The following CYTH1 variants were observed in gnomAD, a reference collection of about 807,000 sequenced individuals.
CYTH1 encodes cytohesin 1.
In CYTH1, 18 loss-of-function variants were observed where a neutral mutation model predicts 61.8. The observed-to-expected ratio is 0.29, with a 90% CI of 0.20 to 0.43. The LOEUF (loss-of-function observed/expected upper bound fraction) is 0.43, where lower values mean the gene tolerates loss of function less well. CYTH1 is among the 20% of genes least tolerant of loss of function. CYTH1 has a pLI of 1.00. For missense variants in CYTH1, 336 were observed against 510.5 expected (o/e 0.66, Z 3.29); for synonymous variants, 174 against 184.3 (o/e 0.94, Z 0.45).
At chr17:78,721,470 C>T (rs1356789444) in intron 1 of CYTH1, among the ~76,000 whole-genome samples, 1 of 152,226 alleles carries the variant, frequency 6.6e-6, no homozygotes, top group Non-Finnish European at 1.5e-5. Context: ...TTAGACTATT[C>T]TAATTTAAAT....
chr17:78,777,022 G>A (rs966212870), intron 1 of CYTH1, among the ~76,000 whole-genome samples: 1 of 152,156 alleles, frequency 6.6e-6, no homozygotes, highest in Admixed American at 6.5e-5. Context: ...CTACTTGGGA[G>A]GCTGAGGCAG....
At chr17:78,694,318 A>G (rs148152899) in intron 10 of CYTH1, among the ~76,000 whole-genome samples, 2 of 152,338 alleles carry the variant, frequency 1.3e-5, no homozygotes, top group African/African-American at 4.8e-5. Flanking sequence ...CCACCTGCCC[A>G]TCCTGTGCTA....
At chr17:78,744,129 T>C (rs2093351336) in intron 1 of CYTH1, among the ~76,000 whole-genome samples, 1 of 152,174 alleles carries the variant, frequency 6.6e-6, no homozygotes, top group Admixed American at 6.5e-5. Flanking sequence ...TTAAAATAAA[T>C]ATAGATTTTC....
chr17:78,760,355 T>TTATATATATATACATA (rs2093416946), intron 1 of CYTH1, among the ~76,000 whole-genome samples: 1 of 52,272 alleles, frequency 1.9e-5, no homozygotes, highest in African/African-American at 7.2e-5. Context: ...AATAGCAGGT[T>TTATATATATATACATA]TATATATATA....
At chr17:78,723,652 GGA>G in intron 1 of CYTH1, 1 of 152,698 alleles carries the variant, frequency 6.5e-6, no homozygotes, top group Non-Finnish European at 1.5e-5. Context: ...CTCCCGGGGG[GGA>G]GGGGAGGCAC....
chr17:78,758,042 T>A, intron 1 of CYTH1, among the ~76,000 whole-genome samples: 1 of 152,184 alleles, frequency 6.6e-6, no homozygotes, highest in East Asian at 1.9e-4. Flanking sequence ...CATTTGGCAG[T>A]ACATATCAAG....
chr17:78,749,047 T>C (rs1452884419), intron 1 of CYTH1, among the ~76,000 whole-genome samples: 1 of 152,074 alleles, frequency 6.6e-6, no homozygotes, highest in African/African-American at 2.4e-5. Flanking sequence ...AGAGCAAAGG[T>C]GGCAGCAGTA....
intron 1 of CYTH1, among the ~76,000 whole-genome samples, chr17:78,745,719 C>T (rs2093357136): frequency 1.3e-5 from 2 of 152,054 alleles, no homozygotes; most frequent in African/African-American, 4.8e-5. Flanking sequence ...TGGTGAAACC[C>T]CGTCTCTACT....
Position 78,770,691 on chromosome 17 carries a change from C to T in CYTH1, c.22+11511G>A, listed in dbSNP as rs117212753. ...CTCGGCCTGGGATTACAGGTGTGAGCCACAGAGCCCGACTGAAAATAGGTT... is the reference window on the plus strand; with the variant it reads ...CTCGGCCTGGGATTACAGGTGTGAGTCACAGAGCCCGACTGAAAATAGGTT... On this transcript the variant is annotated intron_variant, in intron 1 of 13. Transcript: ENST00000446868. 1.3e-3 allele frequency among the ~76,000 whole-genome samples: 192 copies of T among 152,248 alleles called. 2 individuals are homozygous for T. In the East Asian group the frequency reaches 0.035, roughly 28 times the overall value.
chr17:78,778,049 T>C (rs2093500061), intron 1 of CYTH1, among the ~76,000 whole-genome samples: 2 of 152,030 alleles, frequency 1.3e-5, no homozygotes, highest in Admixed American at 1.3e-4. Context: ...AGGCCTGTAA[T>C]CCTAGCACTT....
chr17:78,760,447 A>G lies in CYTH1; in HGVS notation c.22+21755T>C, dbSNP rs577130653. 1.9e-4 allele frequency among the ~76,000 whole-genome samples: 12 copies of G among 63,994 alleles called. 1 individual carries two copies. Among genetic ancestry groups the G allele is most frequent in the African/African-American group, 6.6e-4 (10 of 15,082 alleles). 42.0% of individuals were successfully genotyped at this position (63,994 alleles called of 152,430 possible). ...TATACACATACATATATATATGTAT[A>G]TATATATACATACATATATATATGT... On this transcript the variant is annotated intron_variant, in intron 1 of 13. Transcript: ENST00000446868.
intron 1 of CYTH1, among the ~76,000 whole-genome samples, chr17:78,718,218 T>TACACACACACACACACACACAC (rs55803104): frequency 7.8e-5 from 10 of 128,394 alleles, no homozygotes; most frequent in African/African-American, 2.5e-4. Flanking sequence ...AAACACTGAA[T>TACACACACACACACACACACAC]ACACACACAC....
intron 1 of CYTH1, among the ~76,000 whole-genome samples, chr17:78,748,170 G>A (rs1484738838): frequency 6.6e-6 from 1 of 152,110 alleles, no homozygotes; most frequent in Non-Finnish European, 1.5e-5. Flanking sequence ...AACTAAAGAT[G>A]CTGACCCACA....
At chr17:78,726,042 C>CT (rs1159169142) in intron 1 of CYTH1, among the ~76,000 whole-genome samples, 6,207 of 130,720 alleles carry the variant, frequency 0.047, 418 homozygotes, top group African/African-American at 0.12. Flanking sequence ...ATTCAACAGT[C>CT]TTTTTTTTTT....
chr17:78,687,557 T>A (rs1230030606), intron 11 of CYTH1, among the ~76,000 whole-genome samples: 1 of 152,182 alleles, frequency 6.6e-6, no homozygotes. Context: ...CAGGTTCTTT[T>A]GTGGTTGGGA....
intron 1 of CYTH1, among the ~76,000 whole-genome samples, chr17:78,741,718 G>T (rs1480636498): frequency 2.0e-5 from 3 of 152,210 alleles, no homozygotes; most frequent in Non-Finnish European, 4.4e-5. Context: ...GCAAGCCTCA[G>T]TTACCAGCAG....
intron 1 of CYTH1, among the ~76,000 whole-genome samples, chr17:78,758,842 G>A (rs2093411870): frequency 6.6e-6 from 1 of 152,158 alleles, no homozygotes; most frequent in Admixed American, 6.5e-5. Context: ...CACCCCACGA[G>A]ACTTGAGGTC....
At chr17:78,753,214 C>G (rs1302992349) in intron 1 of CYTH1, among the ~76,000 whole-genome samples, 1 of 152,100 alleles carries the variant, frequency 6.6e-6, no homozygotes, top group Non-Finnish European at 1.5e-5. Flanking sequence ...AATCCTAGCA[C>G]GTTGGGAGGC....
chr17:78,764,598 A>G (rs746458599), intron 1 of CYTH1, among the ~76,000 whole-genome samples: 3 of 152,214 alleles, frequency 2.0e-5, no homozygotes, highest in Non-Finnish European at 2.9e-5. Flanking sequence ...AACCAGGCTT[A>G]TATATAAACC....
Sources: allele counts gnomAD v4.1 joint callset (sites outside exome capture counted in the v4.1 genomes callset), GRCh38; gene constraint gnomAD v4.1.1; transcripts MANE v1.5; gene names NCBI Gene and HGNC (gene_info 2026-07-23, HGNC 2026-07-21).